Variants in AUTS2 observed in about 807,000 individuals in gnomAD.
The protein encoded by AUTS2 is activator of transcription and developmental regulator AUTS2, also known as autism susceptibility gene 2 protein.
AUTS2 carries 17 observed loss-of-function variants against 112.4 expected under a neutral mutation model. That is an observed-to-expected ratio of 0.15 (90% CI 0.10 to 0.23). The LOEUF (loss-of-function observed/expected upper bound fraction) is 0.23. Ranked by LOEUF, AUTS2 falls within the 10% of genes least tolerant of loss-of-function variation. The probability of loss-of-function intolerance (pLI) is 1.00; values close to 1 mark genes in which losing one functional copy is unlikely to be tolerated. For synonymous variants in AUTS2, 751 were observed against 702.7 expected (o/e 1.07, Z -1.09); for missense variants, 1,510 against 1,701.6 (o/e 0.89, Z 1.98).
intron 5 of AUTS2, among the ~76,000 whole-genome samples, chr7:70,571,844 C>A (rs1003034054): frequency 1.9e-4 from 29 of 152,154 alleles, no homozygotes; most frequent in Admixed American, 1.9e-3. Context: ...GGACACCCTC[C>A]CTCCTGTTCT....
chr7:70,166,884 C>T (rs927285146), intron 4 of AUTS2, among the ~76,000 whole-genome samples: 2 of 152,100 alleles, frequency 1.3e-5, no homozygotes. Flanking sequence ...AAATACAGAG[C>T]CATGACTATT....
At chr7:69,811,707 A>C (rs1170862431) in intron 1 of AUTS2, among the ~76,000 whole-genome samples, 1 of 152,094 alleles carries the variant, frequency 6.6e-6, no homozygotes, top group African/African-American at 2.4e-5. Context: ...CTTTTCCGCA[A>C]ACCACCCCTC....
chr7:70,587,098 G>A (rs951607398), intron 5 of AUTS2, among the ~76,000 whole-genome samples: 2 of 152,010 alleles, frequency 1.3e-5, no homozygotes, highest in Non-Finnish European at 2.9e-5. Context: ...TCTTTTTTGA[G>A]ACAGAGTCTC....
intron 2 of AUTS2, among the ~76,000 whole-genome samples, chr7:69,928,029 A>G (rs1432609382): frequency 1.3e-5 from 2 of 152,196 alleles, no homozygotes; most frequent in African/African-American, 4.8e-5. Flanking sequence ...TCTCACATCC[A>G]GGAAGAATGG....
intron 1 of AUTS2, among the ~76,000 whole-genome samples, chr7:69,840,713 T>C (rs978949891): frequency 6.6e-6 from 1 of 152,154 alleles, no homozygotes; most frequent in African/African-American, 2.4e-5. Flanking sequence ...CTGGGCATCA[T>C]TGGAGGTGAC....
chr7:70,018,321 G>C lies in AUTS2; in HGVS notation c.523-99811G>C, dbSNP rs559769895. On this transcript the variant is annotated intron_variant, in intron 2 of 18. Transcript: ENST00000342771. The stretch of plus-strand genomic sequence containing the variant: ...ATTCATACACATTCAGTATAATAAA[G>C]TGCAGCTGGATCAATCATTTAAAAA... Among the ~76,000 whole-genome samples the C allele has an allele frequency of 2.0e-5, 3 of 151,830 alleles. No homozygotes were observed. In the South Asian group the frequency reaches 6.2e-4, roughly 32 times the overall value.
intron 6 of AUTS2, among the ~76,000 whole-genome samples, chr7:70,744,831 C>T (rs1251967243): frequency 6.6e-6 from 1 of 152,042 alleles, no homozygotes; most frequent in Non-Finnish European, 1.5e-5. Context: ...GAGCTTGTAC[C>T]TCTCTCATGT....
intron 1 of AUTS2, among the ~76,000 whole-genome samples, chr7:69,608,634 A>G (rs1274573712): frequency 6.6e-6 from 1 of 152,254 alleles, no homozygotes; most frequent in Non-Finnish European, 1.5e-5. Flanking sequence ...AGATGTGGAT[A>G]GCACAATAAT....
At chr7:69,935,040 A>G (rs1343436901) in intron 2 of AUTS2, among the ~76,000 whole-genome samples, 1 of 152,080 alleles carries the variant, frequency 6.6e-6, no homozygotes, top group African/African-American at 2.4e-5. Context: ...TTCACAACAG[A>G]TGTTGTTAGG....
chr7:69,859,281 T>A (rs1043925269), intron 1 of AUTS2, among the ~76,000 whole-genome samples: 4 of 152,158 alleles, frequency 2.6e-5, no homozygotes, highest in African/African-American at 9.7e-5. Context: ...AGAAATAAAG[T>A]TAGAGGTGAA....
chr7:69,736,193 C>T (rs1787023324), intron 1 of AUTS2, among the ~76,000 whole-genome samples: 1 of 152,148 alleles, frequency 6.6e-6, no homozygotes, highest in Admixed American at 6.5e-5. Flanking sequence ...CCCAGTCTGT[C>T]TCGTGATCCA....
intron 1 of AUTS2, among the ~76,000 whole-genome samples, chr7:69,644,356 A>T (rs550516284): frequency 7.2e-5 from 11 of 151,938 alleles, no homozygotes; most frequent in African/African-American, 2.7e-4. Flanking sequence ...GACAAAAGTG[A>T]TCCAAAACAT....
intron 1 of AUTS2, among the ~76,000 whole-genome samples, chr7:69,613,476 CA>C (rs2129081750): frequency 6.6e-6 from 1 of 152,262 alleles, no homozygotes; most frequent in Non-Finnish European, 1.5e-5. Context: ...TTATACTACT[CA>C]GGTAGATTTT....
intron 4 of AUTS2, among the ~76,000 whole-genome samples, chr7:70,276,562 A>G (rs751108856): frequency 6.6e-6 from 1 of 152,014 alleles, no homozygotes; most frequent in Non-Finnish European, 1.5e-5. Context: ...TATTTTTAGT[A>G]GAGATAGGGT....
chr7:69,743,819 T>C (rs991157596), intron 1 of AUTS2, among the ~76,000 whole-genome samples: 8 of 152,186 alleles, frequency 5.3e-5, no homozygotes, highest in African/African-American at 1.7e-4. Context: ...TATTTTGAGA[T>C]AGGATCTTGC....
chr7:70,765,986 T>C, intron 8 of AUTS2, 128 bp from the exon 9 acceptor site: 1 of 1,453,840 alleles, frequency 6.9e-7, no homozygotes, highest in South Asian at 1.4e-5. Flanking sequence ...CCCGTTTATC[T>C]CAGGGCCCAG....
At chr7:70,180,020 C>T (rs115885321) in intron 4 of AUTS2, among the ~76,000 whole-genome samples, 2,360 of 152,230 alleles carry the variant, frequency 0.016, 20 homozygotes, top group African/African-American at 0.026. Context: ...CTGCAAAATG[C>T]TGCACAAAGA....
chr7:69,805,374 T>G (rs1790255949), intron 1 of AUTS2, among the ~76,000 whole-genome samples: 1 of 152,170 alleles, frequency 6.6e-6, no homozygotes. Context: ...GGGAGGATAG[T>G]CAGAAAGAGG....
chr7:69,992,378 A>T (rs1020808276), intron 2 of AUTS2, among the ~76,000 whole-genome samples: 5 of 152,324 alleles, frequency 3.3e-5, no homozygotes, highest in African/African-American at 1.2e-4. Flanking sequence ...TGGCAAGAGT[A>T]AGAATAAAAA....
Sources: gnomAD v4.1 joint callset for allele counts (sites outside exome capture counted in the v4.1 genomes callset) on GRCh38, gnomAD v4.1.1 for gene constraint, MANE v1.5 for transcripts, NCBI Gene and HGNC (gene_info 2026-07-23, HGNC 2026-07-21) for gene names.